Variants in NUBPL observed in about 807,000 individuals in gnomAD.
The protein encoded by NUBPL is iron-sulfur cluster transfer protein NUBPL.
Under a neutral mutation model 45.7 loss-of-function variants are expected in NUBPL, and 31 were observed. The observed-to-expected ratio is 0.68, with a 90% confidence interval of 0.51 to 0.92. The LOEUF (loss-of-function observed/expected upper bound fraction) is 0.92. NUBPL is among the 40% of genes least tolerant of loss of function. The probability of loss-of-function intolerance (pLI) is 0.00; values close to 1 mark genes in which losing one functional copy is unlikely to be tolerated. For synonymous variants in NUBPL, 144 were observed against 140.9 expected, an observed-to-expected ratio of 1.02 and a Z score of -0.15; for missense variants, 401 against 398.7, an observed-to-expected ratio of 1.01 and a Z score of -0.05.
chr14:31,647,491 TG>T (rs2035887239), intron 4 of NUBPL, among the ~76,000 whole-genome samples: 1 of 152,176 alleles, frequency 6.6e-6, no homozygotes, highest in South Asian at 2.1e-4. Flanking sequence ...CCATCTCAAA[TG>T]GGGGAGGTCT....
intron 6 of NUBPL, among the ~76,000 whole-genome samples, chr14:31,738,103 G>A (rs1158171759): frequency 6.6e-6 from 1 of 152,088 alleles, no homozygotes; most frequent in African/African-American, 2.4e-5. Context: ...TTAAAATAGT[G>A]GTTGTCACTG....
At chr14:31,841,927 T>TTC (rs2040379604) in intron 8 of NUBPL, among the ~76,000 whole-genome samples, 1 of 115,764 alleles carries the variant, frequency 8.6e-6, no homozygotes, top group Non-Finnish European at 1.8e-5. Flanking sequence ...CTTTTTTTTT[T>TTC]TTTTTTTTTT....
intron 6 of NUBPL, among the ~76,000 whole-genome samples, chr14:31,766,033 C>T (rs2038906077): frequency 1.3e-5 from 2 of 152,176 alleles, no homozygotes; most frequent in Admixed American, 1.3e-4. Context: ...TTATATGTCT[C>T]ATATGGCCCA....
intron 6 of NUBPL, among the ~76,000 whole-genome samples, chr14:31,747,304 A>AT (rs1321076700): frequency 6.6e-6 from 1 of 150,834 alleles, no homozygotes; most frequent in African/African-American, 2.5e-5. Context: ...CCCAGCTAAT[A>AT]TTTTTTGTAT....
At chr14:31,666,507 C>T (rs891888999) in intron 4 of NUBPL, among the ~76,000 whole-genome samples, 3 of 151,924 alleles carry the variant, frequency 2.0e-5, no homozygotes, top group African/African-American at 7.3e-5. Flanking sequence ...TTGTGATCTG[C>T]TCGCCTCGGC....
intron 6 of NUBPL, among the ~76,000 whole-genome samples, chr14:31,775,671 A>T (rs2039086281): frequency 6.6e-6 from 1 of 152,028 alleles, no homozygotes; most frequent in Non-Finnish European, 1.5e-5. Flanking sequence ...CACATATTTG[A>T]TTTCCTGGCT....
chr14:31,774,106 C>T (rs1295685002), intron 6 of NUBPL, among the ~76,000 whole-genome samples: 2 of 152,202 alleles, frequency 1.3e-5, no homozygotes, highest in African/African-American at 2.4e-5. Context: ...CACTTTGACT[C>T]CAGCAGAGCT....
At chr14:31,732,615 T>C (rs1441446999) in intron 6 of NUBPL, among the ~76,000 whole-genome samples, 1 of 128,732 alleles carries the variant, frequency 7.8e-6, no homozygotes, top group Admixed American at 8.1e-5. Flanking sequence ...TTCTCTTTTT[T>C]TTTTTTTTTT....
intron 8 of NUBPL, 42 bp downstream of exon 8, chr14:31,826,756 C>CAGTTAGAAGAGTT: frequency 6.5e-7 from 1 of 1,537,750 alleles, no homozygotes; most frequent in Non-Finnish European, 9.0e-7. Flanking sequence ...TAAAACTCTT[C>CAGTTAGAAGAGTT]TAACTGAAGA....
chr14:31,639,370 A>T (rs2035610210), intron 4 of NUBPL, among the ~76,000 whole-genome samples: 1 of 152,188 alleles, frequency 6.6e-6, no homozygotes, highest in South Asian at 2.1e-4. Flanking sequence ...TTGCCTGGAT[A>T]TCAGCAGCGG....
chr14:31,829,850 CTG>C (rs1176679596), intron 8 of NUBPL, among the ~76,000 whole-genome samples: 1 of 152,100 alleles, frequency 6.6e-6, no homozygotes, highest in Non-Finnish European at 1.5e-5. Flanking sequence ...TGTTCTCTGC[CTG>C]AAATGATAGC....
chr14:31,720,253 T>G (rs970965839), intron 6 of NUBPL, among the ~76,000 whole-genome samples: 1 of 152,250 alleles, frequency 6.6e-6, no homozygotes, highest in Non-Finnish European at 1.5e-5. Flanking sequence ...CTTCGTCATC[T>G]AACTTGGAGT....
chr14:31,783,775 C>T (rs189007868), intron 6 of NUBPL, among the ~76,000 whole-genome samples: 118 of 152,280 alleles, frequency 7.7e-4, no homozygotes, highest in Admixed American at 1.3e-3. Context: ...GCCTTGGCCT[C>T]CCAAAGTGCT....
At chr14:31,712,665 G>A (rs2037603265) in intron 6 of NUBPL, among the ~76,000 whole-genome samples, 1 of 152,260 alleles carries the variant, frequency 6.6e-6, no homozygotes, top group Non-Finnish European at 1.5e-5. Flanking sequence ...GTGAGTGAGG[G>A]CTGGTAGCAT....
intron 6 of NUBPL, among the ~76,000 whole-genome samples, chr14:31,757,577 G>A (rs142357832): frequency 3.3e-5 from 5 of 152,166 alleles, no homozygotes; most frequent in East Asian, 3.9e-4. Context: ...TTAGAGTTAC[G>A]TTGCTAAAAT....
chr14:31,788,680 A>G (rs1308895887), intron 7 of NUBPL, among the ~76,000 whole-genome samples: 1 of 152,124 alleles, frequency 6.6e-6, no homozygotes, highest in Non-Finnish European at 1.5e-5. Flanking sequence ...TGACAGGTTA[A>G]CTGTAGAGTG....
At position 31,694,324 on chromosome 14, in the gene NUBPL, C is replaced by T. The variant is rs575485734; in HGVS notation, c.513+20750C>T. Reference sequence around the variant, plus strand: ...AGGAAATAGATACATAACTAAAGTCCAGTTCTTTGAAACATTTGTATAAGG... The same window carrying T: ...AGGAAATAGATACATAACTAAAGTCTAGTTCTTTGAAACATTTGTATAAGG... On this transcript the variant is annotated intron_variant, in intron 6 of 10. Transcript: ENST00000281081. Among the ~76,000 whole-genome samples, 3 of 152,094 alleles carry T rather than the reference C, an allele frequency of 2.0e-5. No individual in the cohort carries two copies. The South Asian group carries it at 6.3e-4, about 32-fold the overall frequency.
At chr14:31,777,667 A>G (rs1483182422) in intron 6 of NUBPL, among the ~76,000 whole-genome samples, 1 of 152,224 alleles carries the variant, frequency 6.6e-6, no homozygotes, top group African/African-American at 2.4e-5. Flanking sequence ...ATTCCACCCA[A>G]TAAGTCCAGC....
In NUBPL at chr14:31,846,249, ATC is replaced by A. The variant is rs199839089; in HGVS notation, c.694-218_694-217del. On this transcript the variant is annotated intron_variant, in intron 8 of 10. Transcript: ENST00000281081. The stretch of plus-strand genomic sequence containing the variant: ...CAGAATTTTTGGTTCCTGTTCATTC[ATC>A]TCTTTTTAGCATTTATTATGATATC... 3.7e-3 allele frequency: 1,831 copies of A among 494,154 alleles called. 26 individuals are homozygous for A. Among genetic ancestry groups the A allele is most frequent in the African/African-American group, 0.033 (1,665 of 49,916 alleles). 30.6% of individuals were successfully genotyped at this position (494,154 alleles called of 1,614,324 possible). A position where few individuals can be genotyped will look rare whatever the true frequency, so the allele number is the denominator to read the frequency against.
Sources: allele counts gnomAD v4.1 joint callset (sites outside exome capture counted in the v4.1 genomes callset), GRCh38; gene constraint gnomAD v4.1.1; transcripts MANE v1.5; gene names NCBI Gene and HGNC (gene_info 2026-07-23, HGNC 2026-07-21).